Variants in TBC1D5 observed in about 807,000 individuals in gnomAD.
TBC1D5 encodes TBC1 domain family member 5.
In TBC1D5, 75 loss-of-function variants were observed where a neutral mutation model predicts 100.3. That is an observed-to-expected ratio of 0.75 (90% CI 0.62 to 0.91). The LOEUF (loss-of-function observed/expected upper bound fraction) is 0.91, where lower values mean the gene tolerates loss of function less well. Ranked by LOEUF, TBC1D5 falls within the 40% of genes least tolerant of loss-of-function variation. TBC1D5 has a pLI of 0.00. For missense variants in TBC1D5, 910 were observed against 942.4 expected (o/e 0.97, Z 0.45); for synonymous variants, 323 against 325.6 (o/e 0.99, Z 0.09).
chr3:17,701,681 T>C (rs1464249400), intron 1 of TBC1D5, among the ~76,000 whole-genome samples: 1 of 151,866 alleles, frequency 6.6e-6, no homozygotes, highest in Non-Finnish European at 1.5e-5. Flanking sequence ...TCCAAATAAA[T>C]AATCGTTGAA....
rs931084568 is a variant in TBC1D5, at chr3:17,398,140, C to T, written c.509+5041G>A. ...TAATGTTACAGCTTTTGAAACATGG[C>T]AACATTTGTTCAGAATAGACAATTC... On this transcript the variant is annotated intron_variant, in intron 8 of 21. Coordinates refer to ENST00000253692, the Ensembl canonical transcript of TBC1D5. Among the ~76,000 whole-genome samples the T allele has an allele frequency of 2.0e-5, 3 of 152,120 alleles. No individual in the cohort carries two copies. The Middle Eastern group carries it at 0.01, about 521-fold the overall frequency.
At chr3:17,517,184 C>T (rs2096001528) in intron 2 of TBC1D5, among the ~76,000 whole-genome samples, 1 of 152,224 alleles carries the variant, frequency 6.6e-6, no homozygotes, top group Admixed American at 6.5e-5. Context: ...ACTTTGCCCT[C>T]TGCCTAGAAA....
chr3:17,321,469 T>C (rs2085396753), intron 13 of TBC1D5, among the ~76,000 whole-genome samples: 1 of 152,268 alleles, frequency 6.6e-6, no homozygotes, highest in African/African-American at 2.4e-5. Context: ...AAAGCACAAC[T>C]GCTTTTAGTT....
chr3:17,717,269 A>G (rs79756248), intron 1 of TBC1D5, among the ~76,000 whole-genome samples: 51 of 137,666 alleles, frequency 3.7e-4, no homozygotes, highest in Admixed American at 5.2e-4. Context: ...AAAAAAAAAA[A>G]GGGGGGTGGC....
At chr3:17,318,556 C>T (rs2150862880) in intron 13 of TBC1D5, among the ~76,000 whole-genome samples, 1 of 152,040 alleles carries the variant, frequency 6.6e-6, no homozygotes, top group Non-Finnish European at 1.5e-5. Flanking sequence ...AATCATTGAC[C>T]CAAAGAAGCT....
rs114281493 is a variant in TBC1D5 at position 17,657,249 on chromosome 3, A to T, written c.-100-33336T>A. Reference sequence around the variant, plus strand: ...AAAATCTCCCAACAAAAGCTGGGGTAAGTACTACCAACTTCAACCTTTGGG... The same window carrying T: ...AAAATCTCCCAACAAAAGCTGGGGTTAGTACTACCAACTTCAACCTTTGGG... On this transcript the variant is annotated intron_variant, in intron 1 of 21. Transcript: ENST00000253692. Among the ~76,000 whole-genome samples, 1,459 of 152,048 alleles carry T rather than the reference A, an allele frequency of 9.6e-3. 17 individuals are homozygous for T. The highest frequency in any genetic ancestry group is 0.033 in the African/African-American group (1,359 of 41,472).
At chr3:17,300,636 AGT>A (rs918013856) in intron 14 of TBC1D5, among the ~76,000 whole-genome samples, 8 of 152,238 alleles carry the variant, frequency 5.3e-5, no homozygotes, top group Non-Finnish European at 1.5e-5. Flanking sequence ...ATTATAGTAG[AGT>A]ATTGTAACAT....
rs555724176 is a variant in TBC1D5, at chr3:17,294,539, G to C, written c.1139-2538C>G. Among the ~76,000 whole-genome samples the C allele has an allele frequency of 3.3e-5, 5 of 152,268 alleles. No individual in the cohort carries two copies. The South Asian group carries it at 1.0e-3, about 32-fold the overall frequency. ...TTCATAACTTGTTAAAACTATTGAA[G>C]CTATCAGAAGCTATAAAATATATAA... On this transcript the variant is annotated intron_variant, in intron 14 of 21. Transcript: ENST00000253692.
chr3:17,384,682 G>A (rs1013584058), intron 8 of TBC1D5, among the ~76,000 whole-genome samples: 1 of 151,952 alleles, frequency 6.6e-6, no homozygotes, highest in Non-Finnish European at 1.5e-5. Flanking sequence ...AACATCAGTG[G>A]AAAAGGTAAT....
At chr3:17,738,825 C>T (rs117125756) in intron 1 of TBC1D5, among the ~76,000 whole-genome samples, 1 of 152,172 alleles carries the variant, frequency 6.6e-6, no homozygotes, top group Admixed American at 6.5e-5. Flanking sequence ...TGATGATAAT[C>T]TCTGAGCCTC....
intron 15 of TBC1D5, among the ~76,000 whole-genome samples, chr3:17,264,762 A>G (rs1190963431): frequency 6.6e-6 from 1 of 152,220 alleles, no homozygotes; most frequent in Non-Finnish European, 1.5e-5. Flanking sequence ...GTAAGGATTA[A>G]TTGACACAAT....
rs1423444071 is a variant in TBC1D5 at position 17,568,062 on chromosome 3, T to C, written c.-36+55787A>G. ...GCATCACAAGCTTTGATAATAATGT[T>C]CTAGCAAGCATTTAGAATGGCAACG... On this transcript the variant is annotated intron_variant, in intron 2 of 21. Transcript: ENST00000253692. Among the ~76,000 whole-genome samples, 4 of 151,718 alleles carry C rather than the reference T, an allele frequency of 2.6e-5. No homozygotes were observed. The East Asian group carries it at 7.7e-4, about 29-fold the overall frequency.
At chr3:17,324,568 C>T (rs1244869531) in intron 13 of TBC1D5, among the ~76,000 whole-genome samples, 1 of 152,044 alleles carries the variant, frequency 6.6e-6, no homozygotes, top group Non-Finnish European at 1.5e-5. Flanking sequence ...TGCTTGAACC[C>T]AGGAGGCAGA....
At chr3:17,621,286 C>T (rs2062637262) in intron 2 of TBC1D5, among the ~76,000 whole-genome samples, 1 of 152,088 alleles carries the variant, frequency 6.6e-6, no homozygotes, top group Non-Finnish European at 1.5e-5. Context: ...TTATATATTT[C>T]CTACCTCTGT....
At chr3:17,703,790 T>C (rs1199672215) in intron 1 of TBC1D5, among the ~76,000 whole-genome samples, 1 of 152,186 alleles carries the variant, frequency 6.6e-6, no homozygotes, top group Non-Finnish European at 1.5e-5. Context: ...ATAGTGTCAA[T>C]TTTCTGCCAC....
intron 19 of TBC1D5, among the ~76,000 whole-genome samples, chr3:17,176,789 TA>T (rs555427221): frequency 7.3e-4 from 109 of 149,108 alleles, no homozygotes; most frequent in African/African-American, 2.7e-3. Context: ...CCCCAGAACT[TA>T]AAAGTATGAT....
At chr3:17,562,192 C>T in intron 2 of TBC1D5, 1 of 151,106 alleles carries the variant, frequency 6.6e-6, no homozygotes, top group Non-Finnish European at 1.5e-5. Context: ...ACTAAGCAAA[C>T]AAAATATAAA....
intron 16 of TBC1D5, among the ~76,000 whole-genome samples, chr3:17,256,349 T>A (rs1414729970): frequency 6.8e-6 from 1 of 147,542 alleles, no homozygotes; most frequent in African/African-American, 2.5e-5. Flanking sequence ...TTCCTTCCAA[T>A]CTTCAAGATA....
At chr3:17,308,130 A>G (rs373007875) in exon 14 of TBC1D5, 2 of 1,572,534 alleles carry the variant, frequency 1.3e-6, no homozygotes, top group Non-Finnish European at 1.7e-6. Context: ...AGCCGCACCC[A>G]CCTTCTGGAA....
Sources: allele counts gnomAD v4.1 joint callset (sites outside exome capture counted in the v4.1 genomes callset), GRCh38; gene constraint gnomAD v4.1.1; transcripts MANE v1.5; gene names NCBI Gene and HGNC (gene_info 2026-07-23, HGNC 2026-07-21).